The following KALRN variants were observed in gnomAD, a reference collection of about 807,000 sequenced individuals.
KALRN encodes kalirin RhoGEF kinase.
In KALRN, 70 loss-of-function variants were observed where a neutral mutation model predicts 353.7. The observed-to-expected ratio is 0.20, with a 90% CI of 0.16 to 0.24. The LOEUF (loss-of-function observed/expected upper bound fraction) is 0.24. Ranked by LOEUF, KALRN falls within the 10% of genes least tolerant of loss-of-function variation. The pLI, the probability that KALRN is intolerant of heterozygous loss-of-function variation, is 1.00. For synonymous variants in KALRN, 1,391 were observed against 1,434.8 expected, an observed-to-expected ratio of 0.97 and a Z score of 0.69; for missense variants, 2,791 against 3,756.7, an observed-to-expected ratio of 0.74 and a Z score of 6.72.
intron 3 of KALRN, among the ~76,000 whole-genome samples, chr3:124,247,970 G>A (rs1204925805): frequency 6.6e-6 from 1 of 152,066 alleles, no homozygotes; most frequent in Non-Finnish European, 1.5e-5. Context: ...TCAGAATTTT[G>A]TTCTCAAAAG....
chr3:124,643,393 GT>G (rs2082327437), intron 37 of KALRN, among the ~76,000 whole-genome samples: 1 of 152,038 alleles, frequency 6.6e-6, no homozygotes, highest in South Asian at 2.1e-4. Flanking sequence ...CTTTTCAACT[GT>G]GTATTGTCCC....
At position 124,347,745 on chromosome 3, in the gene KALRN, C is replaced by T. The variant is rs149991029; in HGVS notation, c.1770+480C>T. 1.8e-4 allele frequency among the ~76,000 whole-genome samples: 28 copies of T among 152,258 alleles called. No individual in the cohort carries two copies. The East Asian group carries it at 4.6e-3, about 25-fold the overall frequency. On this transcript the variant is annotated intron_variant, in intron 10 of 59. Transcript: ENST00000682506. ...TCTATTTACAAAGCCACATACCTTC[C>T]AGGACCTGGAGAAATAGGTGGCACC... is the stretch of plus-strand genomic sequence containing the variant.
At position 124,620,697 on chromosome 3, in the gene KALRN, A is replaced by G. The variant is rs558639015; in HGVS notation, c.5183-11723A>G. ...GACAGCTAGATGGGGCAGTGAGTCC[A>G]GTGAGTCAGCACAGCAGTATATCAG... On this transcript the variant is annotated intron_variant, in intron 34 of 59. Transcript: ENST00000682506. 2.3e-4 allele frequency among the ~76,000 whole-genome samples: 35 copies of G among 152,334 alleles called. No individual in the cohort carries two copies. The East Asian group carries it at 3.9e-3, about 17-fold the overall frequency.
intron 29 of KALRN, among the ~76,000 whole-genome samples, chr3:124,489,183 T>G (rs1404600870): frequency 6.6e-6 from 1 of 152,110 alleles, no homozygotes; most frequent in Non-Finnish European, 1.5e-5. Context: ...GGTGCATGCC[T>G]GTAATCCCAG....
intron 33 of KALRN, among the ~76,000 whole-genome samples, chr3:124,541,830 T>C (rs944764049): frequency 6.6e-6 from 1 of 151,946 alleles, no homozygotes; most frequent in African/African-American, 2.4e-5. Context: ...AGGTGGGAGT[T>C]GCAGTGAGCT....
intron 1 of KALRN, among the ~76,000 whole-genome samples, chr3:124,193,242 G>A (rs1411978049): frequency 6.6e-6 from 1 of 152,076 alleles, no homozygotes; most frequent in Non-Finnish European, 1.5e-5. Context: ...TTGAAGAGTG[G>A]AAAGAAAGCG....
At chr3:124,095,013 AAG>A (rs2061349244) in intron 1 of KALRN, 1 of 1,030,460 alleles carries the variant, frequency 9.7e-7, no homozygotes, top group Non-Finnish European at 1.5e-6. Flanking sequence ...GGGGGTCAAG[AAG>A]AGAGAGAAGG....
At chr3:124,366,099 G>C (rs1352745083) in intron 10 of KALRN, among the ~76,000 whole-genome samples, 1 of 152,176 alleles carries the variant, frequency 6.6e-6, no homozygotes, top group African/African-American at 2.4e-5. Flanking sequence ...TCTAAGCTAT[G>C]ATAAGCAATG....
At chr3:124,093,205 T>C (rs1381122807) in intron 1 of KALRN, among the ~76,000 whole-genome samples, 2 of 152,184 alleles carry the variant, frequency 1.3e-5, no homozygotes, top group Middle Eastern at 3.2e-3. Flanking sequence ...TTCAGAAATC[T>C]GCACCCTCTC....
intron 9 of KALRN, among the ~76,000 whole-genome samples, chr3:124,343,215 T>C (rs1390895207): frequency 6.6e-6 from 1 of 152,226 alleles, no homozygotes; most frequent in East Asian, 1.9e-4. Context: ...CAGGCTGGAA[T>C]GGTGATATCA....
At chr3:124,556,230 A>G (rs912857126) in intron 33 of KALRN, among the ~76,000 whole-genome samples, 3 of 152,208 alleles carry the variant, frequency 2.0e-5, no homozygotes, top group Admixed American at 2.0e-4. Flanking sequence ...CAGCTCCTTC[A>G]GTTGCAGTTA....
At chr3:124,682,401 G>T (rs1340736924) in intron 51 of KALRN, among the ~76,000 whole-genome samples, 1 of 152,110 alleles carries the variant, frequency 6.6e-6, no homozygotes, top group Non-Finnish European at 1.5e-5. Context: ...CTCTGTTCCT[G>T]GAACCCCAGC....
chr3:124,592,235 G>A (rs1428875251), intron 34 of KALRN, among the ~76,000 whole-genome samples: 4 of 150,016 alleles, frequency 2.7e-5, no homozygotes, highest in Non-Finnish European at 5.9e-5. Context: ...CCGGGAAGCA[G>A]AGGTTGCAGT....
chr3:124,463,843 G>A (rs1212341701), intron 25 of KALRN, among the ~76,000 whole-genome samples: 3 of 152,154 alleles, frequency 2.0e-5, no homozygotes, highest in Non-Finnish European at 2.9e-5. Context: ...AGTTTAAAGA[G>A]AACATAATAT....
Position 124,462,601 on chromosome 3 carries a change from C to T in KALRN, c.3999C>T (p.Gly1333=), listed in dbSNP as rs563330076. 3 of 1,609,938 alleles carry T rather than the reference C, an allele frequency of 1.9e-6. No individual in the cohort carries two copies. The highest frequency in any genetic ancestry group is 2.6e-6 in the Non-Finnish European group (3 of 1,176,240). ...GILNKEHIIF[G]NIQEIYDFHN... ...TCAATAAAGAGCATATCATCTTTGG[C>T]AACATCCAAGAGATCTACGATTTCC... The change falls in exon 25 of 60, where the codon GGC becomes GGT. Residue 1333 remains glycine, a synonymous_variant. Transcript: ENST00000682506.
chr3:124,651,627 T>C (rs2083424041), intron 38 of KALRN, among the ~76,000 whole-genome samples: 1 of 140,800 alleles, frequency 7.1e-6, no homozygotes, highest in Non-Finnish European at 1.5e-5. Context: ...ATTTTCTTTT[T>C]CTTTTCTATC....
At chr3:124,232,799 T>G (rs1412950243) in intron 2 of KALRN, among the ~76,000 whole-genome samples, 2 of 152,122 alleles carry the variant, frequency 1.3e-5, no homozygotes, top group Non-Finnish European at 2.9e-5. Flanking sequence ...TATTCACTAT[T>G]TATTATATGA....
At chr3:124,252,651 G>A (rs142675298) in intron 3 of KALRN, among the ~76,000 whole-genome samples, 111 of 152,318 alleles carry the variant, frequency 7.3e-4, no homozygotes, top group African/African-American at 2.2e-3. Flanking sequence ...ATAATAACCT[G>A]GGTAAGAGGC....
chr3:124,526,788 C>G (rs184744768), intron 33 of KALRN, among the ~76,000 whole-genome samples: 3 of 152,134 alleles, frequency 2.0e-5, no homozygotes, highest in African/African-American at 7.2e-5. Context: ...ATGGCTAATA[C>G]CTCCCCCAGA....
Sources: gnomAD v4.1 joint callset for allele counts (sites outside exome capture counted in the v4.1 genomes callset) on GRCh38, gnomAD v4.1.1 for gene constraint, MANE v1.5 for transcripts, NCBI Gene and HGNC (gene_info 2026-07-23, HGNC 2026-07-21) for gene names.